The following KCNH8 variants were observed in gnomAD, a reference collection of about 807,000 sequenced individuals.
KCNH8 encodes the protein voltage-gated delayed rectifier potassium channel KCNH8.
Under a neutral mutation model 103.6 loss-of-function variants are expected in KCNH8, and 70 were observed. The observed-to-expected ratio is 0.68, with a 90% CI of 0.56 to 0.82. The LOEUF (loss-of-function observed/expected upper bound fraction) is 0.82. Among genes scored for constraint, KCNH8 ranks in the 40% least tolerant of loss-of-function variants. The probability of loss-of-function intolerance (pLI) is 0.00; values close to 1 mark genes in which losing one functional copy is unlikely to be tolerated. For missense variants in KCNH8, 1,217 were observed against 1,329.9 expected (o/e 0.92, Z 1.32); for synonymous variants, 498 against 489.4 (o/e 1.02, Z -0.23).
chr3:19,526,241 T>G (rs1368826141), intron 15 of KCNH8, among the ~76,000 whole-genome samples: 1 of 151,812 alleles, frequency 6.6e-6, no homozygotes, highest in East Asian at 1.9e-4. Flanking sequence ...CTCTTCAAGC[T>G]AAGAAGATTA....
Position 19,438,221 on chromosome 3 carries a change from T to C in KCNH8, c.1235T>C (p.Leu412Ser), listed in dbSNP as rs764156260. ...LESPYYGNNT[L>S]GGPSIRSAYI... is the part of the protein sequence containing the mutation. Reference sequence around the variant, plus strand: ...TCTCCATACTATGGCAACAATACCTTGGGGGGCCCGTCGATCCGAAGTGCC... The same window carrying C: ...TCTCCATACTATGGCAACAATACCTCGGGGGGCCCGTCGATCCGAAGTGCC... The change falls in exon 8 of 16, where the codon TTG becomes TCG. Residue 412 changes from leucine to serine, a missense_variant. Leu to Ser is a moderately radical substitution (Grantham distance 145). This residue lies in a region of KCNH8 where 415 missense variants were observed against 577.4 expected (regional missense o/e 0.72). Coordinates refer to ENST00000328405, the MANE Select transcript of KCNH8 (RefSeq NM_144633.3). 1.9e-6 allele frequency: 3 copies of C among 1,614,040 alleles called. No homozygotes were observed. The Admixed American group carries it at 5.0e-5, about 27-fold the overall frequency.
intron 14 of KCNH8, among the ~76,000 whole-genome samples, chr3:19,515,945 G>A (rs1239472122): frequency 1.3e-5 from 2 of 151,950 alleles, no homozygotes; most frequent in Non-Finnish European, 2.9e-5. Context: ...TTAATGTGAA[G>A]GTACCTCCAA....
intron 11 of KCNH8, among the ~76,000 whole-genome samples, chr3:19,478,726 G>A (rs970453591): frequency 2.0e-5 from 3 of 152,000 alleles, no homozygotes; most frequent in South Asian, 2.1e-4. Flanking sequence ...GGAAATGAAC[G>A]TTCCCAAAAT....
intron 15 of KCNH8, among the ~76,000 whole-genome samples, chr3:19,521,323 T>C (rs779888982): frequency 2.6e-5 from 4 of 151,994 alleles, no homozygotes; most frequent in African/African-American, 4.8e-5. Flanking sequence ...TATTCTGTGA[T>C]TTCAACAAGG....
rs1323829736 is a variant in KCNH8, at chr3:19,533,644, G to C, written c.2869G>C (p.Asp957His). The change falls in exon 16 of 16, where the codon GAC (aspartate) becomes CAC (histidine). Residue 957 changes from aspartate (D) to histidine (H), a missense_variant. Physicochemically the swap from Asp to His is moderately conservative, Grantham distance 81 (BLOSUM62 -1). This residue lies in a region of KCNH8 where 558 missense variants were observed against 495.8 expected (regional missense o/e 1.13). Transcript: ENST00000328405. ...AQLCSSNITS[D>H]IWSVDPSSVG... is the part of the protein sequence containing the mutation. ...ACTTTGTAGCAGTAATATCACCTCA[G>C]ACATTTGGAGTGTGGATCCCTCCTC... is the stretch of plus-strand genomic sequence containing the variant. The C allele has an allele frequency of 1.9e-6, 3 of 1,614,024 alleles. No individual in the cohort carries two copies. Among genetic ancestry groups the C allele is most frequent in the African/African-American group, 2.7e-5 (2 of 74,912 alleles).
rs144407785 is a variant in KCNH8, at chr3:19,153,174, C to T, written c.76+4379C>T. Among the ~76,000 whole-genome samples, 18 of 152,176 alleles carry T rather than the reference C, an allele frequency of 1.2e-4. No individual in the cohort carries two copies. In the East Asian group the frequency reaches 3.3e-3, roughly 28 times the overall value. On this transcript the variant is annotated intron_variant, in intron 1 of 15. Coordinates refer to ENST00000328405, the MANE Select transcript of KCNH8 (RefSeq NM_144633.3). ...CACAGGGGTTCTGATAACTTCACTA[C>T]AATGAAGAAAGTGTTAGAATTACAG... is the stretch of plus-strand genomic sequence containing the variant.
intron 7 of KCNH8, among the ~76,000 whole-genome samples, chr3:19,429,530 C>G (rs1166143619): frequency 6.6e-6 from 1 of 152,210 alleles, no homozygotes; most frequent in Non-Finnish European, 1.5e-5. Flanking sequence ...CCTTTTGAGA[C>G]TTGGACATTT....
intron 3 of KCNH8, among the ~76,000 whole-genome samples, chr3:19,335,412 G>T (rs767125564): frequency 2.7e-4 from 40 of 148,576 alleles, no homozygotes; most frequent in Non-Finnish European, 5.4e-4. Context: ...ATAAGTGAAA[G>T]TAGTATATGT....
At chr3:19,228,696 AGCT>A (rs2063959998) in intron 1 of KCNH8, among the ~76,000 whole-genome samples, 1 of 152,230 alleles carries the variant, frequency 6.6e-6, no homozygotes, top group South Asian at 2.1e-4. Flanking sequence ...CAATATATTT[AGCT>A]AATTTCTATT....
intron 4 of KCNH8, among the ~76,000 whole-genome samples, chr3:19,345,365 A>C (rs1420472926): frequency 1.3e-5 from 2 of 152,064 alleles, no homozygotes; most frequent in African/African-American, 2.4e-5. Flanking sequence ...GCTCATTCAG[A>C]TGATAGTTTC....
At chr3:19,448,458 G>A (rs2067395102) in intron 8 of KCNH8, among the ~76,000 whole-genome samples, 1 of 151,866 alleles carries the variant, frequency 6.6e-6, no homozygotes, top group South Asian at 2.1e-4. Flanking sequence ...TAGACATAGT[G>A]ACCATTATTC....
chr3:19,227,165 T>C (rs1430512908), intron 1 of KCNH8, among the ~76,000 whole-genome samples: 1 of 152,242 alleles, frequency 6.6e-6, no homozygotes, highest in Non-Finnish European at 1.5e-5. Flanking sequence ...TTCCTTCTAA[T>C]CTTGAAAACC....
intron 15 of KCNH8, among the ~76,000 whole-genome samples, chr3:19,519,025 A>G (rs773062928): frequency 6.6e-6 from 1 of 152,014 alleles, no homozygotes; most frequent in Non-Finnish European, 1.5e-5. Context: ...AGACAGTTAA[A>G]CTTGTAAACA....
At chr3:19,371,707 A>T (rs1288161790) in intron 5 of KCNH8, among the ~76,000 whole-genome samples, 26 of 149,172 alleles carry the variant, frequency 1.7e-4, no homozygotes, top group African/African-American at 4.7e-4. Flanking sequence ...CTGAATGGTA[A>T]TGCCTAGGTT....
chr3:19,210,061 G>A (rs1042971472), intron 1 of KCNH8, among the ~76,000 whole-genome samples: 2 of 151,996 alleles, frequency 1.3e-5, no homozygotes, highest in Non-Finnish European at 2.9e-5. Context: ...TCTTCTCTTT[G>A]TACAATGTGA....
rs1444158910 is a variant in KCNH8 at position 19,291,108 on chromosome 3, A to G, written c.442+9779A>G. Among the ~76,000 whole-genome samples the G allele has an allele frequency of 2.0e-5, 3 of 152,030 alleles. No homozygotes were observed. In the East Asian group the frequency reaches 5.8e-4, roughly 29 times the overall value. ...GGTGATATCCCCTTTATCATTTTTT[A>G]TTGCGTCTATTTGATTCTTCTCTCT... On this transcript the variant is annotated intron_variant, in intron 3 of 15. Coordinates refer to ENST00000328405, the MANE Select transcript of KCNH8 (RefSeq NM_144633.3).
Position 19,323,192 on chromosome 3 carries a change from G to C in KCNH8, c.443-19395G>C, listed in dbSNP as rs189590519. Among the ~76,000 whole-genome samples the C allele has an allele frequency of 5.3e-3, 809 of 152,260 alleles. 8 individuals are homozygous for C. Among genetic ancestry groups the C allele is most frequent in the African/African-American group, 0.018 (749 of 41,560 alleles). On this transcript the variant is annotated intron_variant, in intron 3 of 15. Transcript: ENST00000328405. ...GGGCCGCACACGGTGGCTCACGCCT[G>C]TAATCCCGGCACTTTGGGAGGCTGA...
intron 11 of KCNH8, among the ~76,000 whole-genome samples, chr3:19,502,806 C>A (rs2068614870): frequency 6.7e-6 from 1 of 149,358 alleles, no homozygotes; most frequent in African/African-American, 2.5e-5. Flanking sequence ...AAACGTTAGA[C>A]CTAAAACCAT....
In KCNH8 at chr3:19,240,550, T is replaced by G. The variant is rs545423991; in HGVS notation, c.77-13104T>G. Among the ~76,000 whole-genome samples, 8 of 150,462 alleles carry G rather than the reference T, an allele frequency of 5.3e-5. No homozygotes were observed. The South Asian group carries it at 1.7e-3, about 32-fold the overall frequency. On this transcript the variant is annotated intron_variant, in intron 1 of 15. Coordinates refer to ENST00000328405, the MANE Select transcript of KCNH8 (RefSeq NM_144633.3). Reference sequence around the variant, plus strand: ...TCGCTTGAACCTGGGAGGCGGAGGTTGCGGTGAGCCGAGATCGTGCCACTG... The same window carrying G: ...TCGCTTGAACCTGGGAGGCGGAGGTGGCGGTGAGCCGAGATCGTGCCACTG...
Sources: allele counts gnomAD v4.1 joint callset (sites outside exome capture counted in the v4.1 genomes callset), GRCh38; gene constraint gnomAD v4.1.1; regional missense constraint gnomAD v4.1.1; transcripts MANE v1.5; gene names NCBI Gene and HGNC (gene_info 2026-07-23, HGNC 2026-07-21).